The following ADGRG1 variants were observed in gnomAD, a reference collection of about 807,000 sequenced individuals.
The protein encoded by ADGRG1 is adhesion G protein-coupled receptor G1, also known as 7-transmembrane protein with no EGF-like N-terminal domains-1.
ADGRG1 carries 53 observed loss-of-function variants against 73.5 expected under a neutral mutation model. The observed-to-expected ratio is 0.72, with a 90% confidence interval of 0.58 to 0.91. The LOEUF (loss-of-function observed/expected upper bound fraction) is 0.91, where lower values mean the gene tolerates loss of function less well. ADGRG1 is among the 40% of genes least tolerant of loss of function. ADGRG1 has a pLI of 0.00. For missense variants in ADGRG1, 795 were observed against 871.8 expected (o/e 0.91, Z 1.11); for synonymous variants, 394 against 374.4 (o/e 1.05, Z -0.60).
chr16:57,650,809 C>T (rs1179570574), intron 2 of ADGRG1, among the ~76,000 whole-genome samples: 6 of 149,046 alleles, frequency 4.0e-5, no homozygotes, highest in Admixed American at 6.7e-5. Flanking sequence ...CCCGGGTTCA[C>T]GCCATTCTCC....
At chr16:57,660,159 C>T in intron 11 of ADGRG1, 1 of 665,744 alleles carries the variant, frequency 1.5e-6, no homozygotes, top group African/African-American at 2.0e-5. Context: ...TTATGTCAGA[C>T]CTACAGCCCA....
At chr16:57,635,543 G>A (rs1451175972) in intron 1 of ADGRG1, 1 of 985,294 alleles carries the variant, frequency 1.0e-6, no homozygotes, top group Non-Finnish European at 1.2e-6. Context: ...ACCTGGGTTT[G>A]GGAAACTGGA....
At chr16:57,658,968 A>G in intron 10 of ADGRG1, 1 of 985,250 alleles carries the variant, frequency 1.0e-6, no homozygotes, top group Non-Finnish European at 1.2e-6. Flanking sequence ...TGGGGTGTGC[A>G]CACATTGACT....
At chr16:57,645,780 A>G (rs1046994308) in intron 1 of ADGRG1, among the ~76,000 whole-genome samples, 12 of 152,172 alleles carry the variant, frequency 7.9e-5, no homozygotes, top group East Asian at 5.8e-4. Flanking sequence ...ACCCACCGGC[A>G]GGCTTGGGAG....
rs1396461376 is a variant in ADGRG1, at chr16:57,628,639, G to C, written c.-199G>C. ...CGGTCCCTCCCTCTCCGCACTAGCT[G>C]TCTGCCCTGCCCTGCCGTAGGAGAT... On this transcript the variant is annotated 5_prime_UTR_variant, in exon 1 of 14. Transcript: ENST00000562631. 3.0e-6 allele frequency: 3 copies of C among 985,530 alleles called. No individual in the cohort carries two copies. The African/African-American group carries it at 5.2e-5, about 17-fold the overall frequency. The allele number at this position is 985,530 out of a possible 1,614,324, so 61.0% of individuals were successfully genotyped here. A position where few individuals can be genotyped will look rare whatever the true frequency, so the allele number is the denominator to read the frequency against.
chr16:57,626,734 G>C (rs999289101), upstream of ADGRG1: 11 of 985,234 alleles, frequency 1.1e-5, no homozygotes, highest in African/African-American at 3.5e-5. Flanking sequence ...TGGTGGTGGT[G>C]GGGGGACAGC....
At chr16:57,660,393 G>A (rs1335687712) in intron 11 of ADGRG1, 92 of 984,724 alleles carry the variant, frequency 9.3e-5, no homozygotes, top group Non-Finnish European at 1.0e-4. Context: ...CCGAACGGGC[G>A]AGGTCAAGGC....
chr16:57,643,370 C>T (rs940413091), intron 1 of ADGRG1: 2 of 163,496 alleles, frequency 1.2e-5, no homozygotes, highest in African/African-American at 4.8e-5. Context: ...GGACAACTGA[C>T]TCTCTGGGAG....
intron 13 of ADGRG1, chr16:57,662,846 G>A (rs2047566893): frequency 2.1e-5 from 15 of 715,566 alleles, no homozygotes; most frequent in Non-Finnish European, 2.6e-5. Flanking sequence ...AGAATGGAAG[G>A]GGGTTGTATG....
intron 5 of ADGRG1, chr16:57,655,027 C>T (rs181450341): frequency 2.0e-6 from 2 of 982,820 alleles, no homozygotes; most frequent in Non-Finnish European, 2.4e-6. Flanking sequence ...GCCACACACC[C>T]CATCTTGAGA....
Position 57,643,482 on chromosome 16 carries a change from C to A in ADGRG1, c.-35-6771C>A, listed in dbSNP as rs139282519. 5.5e-3 allele frequency: 4,045 copies of A among 739,550 alleles called. 13 individuals are homozygous for A. Among genetic ancestry groups the A allele is most frequent in the Middle Eastern group, 0.022 (32 of 1,442 alleles). 45.8% of individuals were successfully genotyped at this position (739,550 alleles called of 1,614,324 possible). On this transcript the variant is annotated intron_variant, in intron 1 of 13. Coordinates refer to ENST00000562631, the MANE Select transcript of ADGRG1 (RefSeq NM_201525.4). ...ACTCTTCCCACAGGGTGTGTCTGGG[C>A]AGGCAGAGGGTGTTGTGGCTCAAGC...
At chr16:57,640,129 C>A (rs1166909338) in intron 1 of ADGRG1, 1 of 152,528 alleles carries the variant, frequency 6.6e-6, no homozygotes, top group Non-Finnish European at 1.5e-5. Flanking sequence ...GGGCTGGGAT[C>A]CAAGGTCACC....
In ADGRG1 at chr16:57,663,643, T is replaced by C; in HGVS notation, c.*61T>C. On this transcript the variant is annotated 3_prime_UTR_variant, in exon 14 of 14. Coordinates refer to ENST00000562631, the MANE Select transcript of ADGRG1 (RefSeq NM_201525.4). ...ATTCGGCCTCGTCGCACACTGCCTG[T>C]GGCCCCCGAGCCCGGCCCAGCCCCA... 1.3e-6 allele frequency: 2 copies of C among 1,584,720 alleles called. No homozygotes were observed. The highest frequency in any genetic ancestry group is 1.7e-6 in the Non-Finnish European group (2 of 1,164,330).
chr16:57,637,551 C>T, intron 1 of ADGRG1: 2 of 985,438 alleles, frequency 2.0e-6, no homozygotes, highest in Non-Finnish European at 2.4e-6. Flanking sequence ...CCTTCTCCGG[C>T]CAGCAAGCCT....
chr16:57,665,176 G>A lies in ADGRG1; in HGVS notation c.*1594G>A, dbSNP rs1320173845. 6.0e-5 allele frequency: 9 copies of A among 151,050 alleles called. No individual in the cohort carries two copies. Among genetic ancestry groups the A allele is most frequent in the Non-Finnish European group, 1.2e-4 (8 of 67,852 alleles). 9.4% of individuals were successfully genotyped at this position (151,050 alleles called of 1,614,324 possible). On this transcript the variant is annotated 3_prime_UTR_variant, in exon 14 of 14. Coordinates refer to ENST00000562631, the MANE Select transcript of ADGRG1 (RefSeq NM_201525.4). ...TGTGTGTGAAGAAAAAAAAAAAATC[G>A]ACTGCTGGAAACCTCATCAACCAGG...
In ADGRG1 at chr16:57,651,318, C is replaced by T. The variant is rs200846541; in HGVS notation, c.183C>T (p.Ser61=). 13 of 1,614,174 alleles carry T rather than the reference C, an allele frequency of 8.1e-6. No individual in the cohort carries two copies. In the East Asian group the frequency reaches 8.9e-5, roughly 11 times the overall value. Reference sequence around the variant, plus strand: ...ACCTGCGCATCTCCATCGAGAACTCCGAAGAGGCCCTCACAGTCCATGCCC... The same window carrying T: ...ACCTGCGCATCTCCATCGAGAACTCTGAAGAGGCCCTCACAGTCCATGCCC... The part of the protein sequence containing the change: ...TPDLRISIEN[S]EEALTVHAPF... Residue 61 remains serine, a synonymous_variant, in exon 3 of 14, where the codon TCC becomes TCT. Transcript: ENST00000562631.
At chr16:57,622,658 T>C in intron 2 of ADGRG1, 1 of 506,318 alleles carries the variant, frequency 2.0e-6, no homozygotes. Context: ...TTCTGAAGGC[T>C]GGGGGCAGGG....
At position 57,663,645 on chromosome 16, in the gene ADGRG1, G is replaced by A; in HGVS notation, c.*63G>A. The A allele has an allele frequency of 1.3e-6, 2 of 1,578,262 alleles. No homozygotes were observed. Among genetic ancestry groups the A allele is most frequent in the Non-Finnish European group, 1.7e-6 (2 of 1,158,980 alleles). On this transcript the variant is annotated 3_prime_UTR_variant, in exon 14 of 14. Coordinates refer to ENST00000562631, the MANE Select transcript of ADGRG1 (RefSeq NM_201525.4). Reference sequence around the variant, plus strand: ...TCGGCCTCGTCGCACACTGCCTGTGGCCCCCGAGCCCGGCCCAGCCCCAGG... The same window carrying A: ...TCGGCCTCGTCGCACACTGCCTGTGACCCCCGAGCCCGGCCCAGCCCCAGG...
chr16:57,649,590 G>C (rs2043517908), intron 1 of ADGRG1, among the ~76,000 whole-genome samples: 1 of 152,142 alleles, frequency 6.6e-6, no homozygotes, highest in South Asian at 2.1e-4. Context: ...TCCGGGCCTG[G>C]AGGGGCAAGG....
Sources: allele counts gnomAD v4.1 joint callset (sites outside exome capture counted in the v4.1 genomes callset), GRCh38; gene constraint gnomAD v4.1.1; transcripts MANE v1.5; gene names NCBI Gene and HGNC (gene_info 2026-07-23, HGNC 2026-07-21).